TLN2: variants seen among roughly 807,000 people sequenced by gnomAD.
TLN2 encodes the protein talin 2, also known as talin-2.
A neutral mutation model predicts 294.7 loss-of-function variants in TLN2; 118 were observed. The observed-to-expected ratio is 0.40, with a 90% CI of 0.34 to 0.47. The LOEUF is 0.47. Among genes scored for constraint, TLN2 ranks in the 20% least tolerant of loss-of-function variants. The probability of loss-of-function intolerance (pLI) is 0.84; values close to 1 mark genes in which losing one functional copy is unlikely to be tolerated. For synonymous variants in TLN2, 1,431 were observed against 1,304.5 expected (o/e 1.10, Z -2.09); for missense variants, 3,083 against 3,282.2 (o/e 0.94, Z 1.48).
At chr15:62,743,250 C>T (rs1230258883) in intron 32 of TLN2, among the ~76,000 whole-genome samples, 1 of 152,046 alleles carries the variant, frequency 6.6e-6, no homozygotes, top group Non-Finnish European at 1.5e-5. Context: ...CCTGCCTGTC[C>T]TTCCTGTGTG....
intron 1 of TLN2, among the ~76,000 whole-genome samples, chr15:62,519,057 T>C (rs370602998): frequency 4.3e-4 from 65 of 152,314 alleles, no homozygotes; most frequent in African/African-American, 1.5e-3. Flanking sequence ...TCTTATTTTA[T>C]GGATAAAGAA....
At chr15:62,780,725 G>C (rs2064093266) in intron 43 of TLN2, among the ~76,000 whole-genome samples, 1 of 152,234 alleles carries the variant, frequency 6.6e-6, no homozygotes, top group African/African-American at 2.4e-5. Context: ...CTTCCTGATG[G>C]AGAGTCTGCC....
In TLN2 at chr15:62,611,844, TA is replaced by T. The variant is rs759496168; in HGVS notation, c.-161-6503del. The stretch of plus-strand genomic sequence containing the variant: ...TCCCCCCAGTCAGTTTAATGATCTG[TA>T]AAATGGAGATAAGAATAATGGCTAT... On this transcript the variant is annotated intron_variant, in intron 2 of 58. Transcript: ENST00000636159. Among the ~76,000 whole-genome samples the T allele has an allele frequency of 2.6e-5, 4 of 152,328 alleles. No individual in the cohort carries two copies. The South Asian group carries it at 8.3e-4, about 32-fold the overall frequency.
At chr15:62,492,558 AAAG>A (rs1314278948) in intron 1 of TLN2, among the ~76,000 whole-genome samples, 140 of 150,782 alleles carry the variant, frequency 9.3e-4, no homozygotes, top group African/African-American at 2.6e-3. Flanking sequence ...AAAAAAAAAA[AAAG>A]AAAAAAAGAA....
chr15:62,520,408 T>C (rs538257086), intron 1 of TLN2, among the ~76,000 whole-genome samples: 1 of 152,342 alleles, frequency 6.6e-6, no homozygotes, highest in South Asian at 2.1e-4. Flanking sequence ...CTGAAGTTTG[T>C]TGAAGGCACA....
At chr15:62,509,170 T>A (rs2039797017) in intron 1 of TLN2, among the ~76,000 whole-genome samples, 1 of 152,238 alleles carries the variant, frequency 6.6e-6, no homozygotes, top group East Asian at 1.9e-4. Flanking sequence ...GCTTCCTGTC[T>A]GCGTGTACTG....
chr15:62,791,865 G>A (rs1021244020), intron 45 of TLN2, among the ~76,000 whole-genome samples: 1 of 152,234 alleles, frequency 6.6e-6, no homozygotes, highest in African/African-American at 2.4e-5. Context: ...CGGGGAGGTG[G>A]AAGTGGAATT....
At chr15:62,673,021 C>A (rs148221647) in intron 9 of TLN2, among the ~76,000 whole-genome samples, 44 of 150,656 alleles carry the variant, frequency 2.9e-4, no homozygotes, top group African/African-American at 1.0e-3. Context: ...TTTACTTTAT[C>A]CTAATTATAT....
intron 8 of TLN2, among the ~76,000 whole-genome samples, chr15:62,656,421 A>G (rs992040179): frequency 6.6e-6 from 1 of 152,208 alleles, no homozygotes; most frequent in Admixed American, 6.5e-5. Context: ...CTTAGCTGGC[A>G]TCTTAGAATG....
At chr15:62,662,589 T>G (rs894980189) in intron 9 of TLN2, among the ~76,000 whole-genome samples, 14 of 152,186 alleles carry the variant, frequency 9.2e-5, no homozygotes, top group African/African-American at 3.1e-4. Context: ...ATTCATTTAT[T>G]TAACAAATAA....
intron 4 of TLN2, among the ~76,000 whole-genome samples, chr15:62,649,844 A>G (rs1161292754): frequency 2.0e-5 from 3 of 152,204 alleles, no homozygotes; most frequent in Non-Finnish European, 4.4e-5. Context: ...AGACACAACT[A>G]CAGCCCACTG....
chr15:62,784,221 T>C (rs181181580), intron 45 of TLN2: 248 of 402,458 alleles, frequency 6.2e-4, no homozygotes, highest in African/African-American at 4.7e-3. Context: ...TGCCATCTTA[T>C]CACTTCCTAC....
Position 62,653,193 on chromosome 15 carries a change from C to T in TLN2, c.396C>T (p.Ile132=). ...CAAATTATGAAGAATACTCCTTAAT[C>T]CAAGAAACTATTGAAGAAAAGAAAG... ...GITNYEEYSL[I]QETIEEKKEE... Residue 132 remains isoleucine (I), a synonymous_variant, in exon 7 of 59, where the codon ATC becomes ATT. Transcript: ENST00000636159. 1 of 1,600,194 alleles carries T rather than the reference C, an allele frequency of 6.2e-7. No homozygotes were observed. The highest frequency in any genetic ancestry group is 1.7e-4 in the Middle Eastern group (1 of 6,040).
intron 1 of TLN2, among the ~76,000 whole-genome samples, chr15:62,460,276 T>C (rs1048386094): frequency 6.6e-6 from 1 of 151,892 alleles, no homozygotes; most frequent in Non-Finnish European, 1.5e-5. Flanking sequence ...TTTTTTTTTT[T>C]TCCCTTGAGA....
At chr15:62,716,269 A>G in intron 22 of TLN2, 62 bp from the exon 23 acceptor site, 1 of 1,434,494 alleles carries the variant, frequency 7.0e-7, no homozygotes, top group Non-Finnish European at 9.2e-7. Flanking sequence ...ATAATACTGA[A>G]GGCATGAATT....
chr15:62,407,689 G>A (rs1360004275), intron 1 of TLN2, among the ~76,000 whole-genome samples: 2 of 152,100 alleles, frequency 1.3e-5, no homozygotes, highest in African/African-American at 2.4e-5. Context: ...GGTTAAGGTG[G>A]GTGGATCACT....
chr15:62,535,108 A>C (rs1278038062), intron 1 of TLN2, among the ~76,000 whole-genome samples: 1 of 152,198 alleles, frequency 6.6e-6, no homozygotes, highest in Admixed American at 6.5e-5. Flanking sequence ...AGTAGAAAGT[A>C]GGGTAGATGT....
At chr15:62,677,982 A>T (rs1180515333) in intron 11 of TLN2, among the ~76,000 whole-genome samples, 1 of 151,662 alleles carries the variant, frequency 6.6e-6, no homozygotes, top group Non-Finnish European at 1.5e-5. Flanking sequence ...TTTGATAAAG[A>T]TGGGGTTTCT....
Position 62,803,865 on chromosome 15 carries a change from G to C in TLN2, c.6478-1735G>C, listed in dbSNP as rs1412510438. 4.6e-5 allele frequency among the ~76,000 whole-genome samples: 7 copies of C among 152,166 alleles called. No homozygotes were observed. In the South Asian group the frequency reaches 1.0e-3, roughly 23 times the overall value. On this transcript the variant is annotated intron_variant, in intron 50 of 58. Coordinates refer to ENST00000636159, the MANE Select transcript of TLN2 (RefSeq NM_015059.3). ...GCTTATAGGTGTTCATTTGTGTCTA[G>C]ACATTGAAGAGTTAGGTATTTATTA...
Sources: allele counts gnomAD v4.1 joint callset (sites outside exome capture counted in the v4.1 genomes callset), GRCh38; gene constraint gnomAD v4.1.1; transcripts MANE v1.5; gene names NCBI Gene and HGNC (gene_info 2026-07-23, HGNC 2026-07-21).